SCHIP1: variants seen among roughly 807,000 people sequenced by gnomAD.
SCHIP1 encodes the protein schwannomin-interacting protein 1.
A neutral mutation model predicts 29.7 loss-of-function variants in SCHIP1; 8 were observed. That is an observed-to-expected ratio of 0.27 (90% CI 0.16 to 0.49). The LOEUF (loss-of-function observed/expected upper bound fraction) is 0.49. Among genes scored for constraint, SCHIP1 ranks in the 20% least tolerant of loss-of-function variants. The pLI is 0.99. For missense variants in SCHIP1, 193 were observed against 294.6 expected (o/e 0.66, Z 2.52); for synonymous variants, 76 against 94.9 (o/e 0.80, Z 1.16).
the SCHIP1 span, among the ~76,000 whole-genome samples, chr3:159,479,102 G>A: frequency 2.0e-5 from 3 of 152,108 alleles, no homozygotes; most frequent in African/African-American, 7.2e-5. Context: ...AAAAAGGCAT[G>A]AGGAAATTCA....
At chr3:159,465,315 TTGTGTGTGTGTGTGTG>T in the SCHIP1 span, among the ~76,000 whole-genome samples, 1 of 148,276 alleles carries the variant, frequency 6.7e-6, no homozygotes, top group Admixed American at 6.8e-5. Context: ...ATGTGTATGA[TTGTGTGTGTGTGTGTG>T]TGTGTGTGTT....
chr3:159,660,633 T>G, the SCHIP1 span, among the ~76,000 whole-genome samples: 1 of 152,196 alleles, frequency 6.6e-6, no homozygotes, highest in Non-Finnish European at 1.5e-5. Context: ...TTTAAAAAAC[T>G]ACGATGAGTG....
the SCHIP1 span, among the ~76,000 whole-genome samples, chr3:159,607,855 C>T: frequency 6.6e-6 from 1 of 152,128 alleles, no homozygotes; most frequent in African/African-American, 2.4e-5. Context: ...GTTTGACATA[C>T]ATATAAATGT....
chr3:159,654,552 G>A, the SCHIP1 span, among the ~76,000 whole-genome samples: 1 of 152,024 alleles, frequency 6.6e-6, no homozygotes. Context: ...TACTCCCTGA[G>A]TGTGTTGGCC....
intron 2 of SCHIP1, among the ~76,000 whole-genome samples, chr3:159,878,199 C>T (rs1412449541): frequency 2.0e-5 from 3 of 152,332 alleles, no homozygotes; most frequent in South Asian, 4.1e-4. Context: ...TTGCCAAGGC[C>T]GGGCGCAGTG....
At chr3:159,414,576 A>G in the SCHIP1 span, among the ~76,000 whole-genome samples, 1 of 152,136 alleles carries the variant, frequency 6.6e-6, no homozygotes, top group Non-Finnish European at 1.5e-5. Flanking sequence ...GTATTGCTAT[A>G]TTATCAACAA....
rs1191451252 is a variant in SCHIP1 at position 159,861,702 on chromosome 3, T to C, written c.31-4461T>C. Among the ~76,000 whole-genome samples, 1 of 152,166 alleles carries C rather than the reference T, an allele frequency of 6.6e-6. No homozygotes were observed. The highest frequency in any genetic ancestry group is 1.5e-5 in the Non-Finnish European group (1 of 68,028). On this transcript the variant is annotated intron_variant, in intron 1 of 6. Transcript: ENST00000445224. This position sits in a 1 kb window ranked among gnomAD's most constrained non-coding sequence, Gnocchi z 4.1. ...GATAGTGATGAGCCCTGTTCCTCAG[T>C]TGCCCTTTGTTTTTGCTAGCAATAC...
At chr3:159,406,644 C>G in the SCHIP1 span, among the ~76,000 whole-genome samples, 1 of 152,078 alleles carries the variant, frequency 6.6e-6, no homozygotes, top group Non-Finnish European at 1.5e-5. Context: ...AATACAAAGA[C>G]TAAAGGATGA....
chr3:159,403,197 T>TG, the SCHIP1 span, among the ~76,000 whole-genome samples: 1 of 152,002 alleles, frequency 6.6e-6, no homozygotes, highest in African/African-American at 2.4e-5. Context: ...ATGAGGAGGG[T>TG]GGAGTATTAA....
At chr3:159,833,007 G>A in the SCHIP1 span, among the ~76,000 whole-genome samples, 16 of 152,198 alleles carry the variant, frequency 1.1e-4, no homozygotes, top group African/African-American at 3.1e-4. Context: ...AGATATGTAC[G>A]TATGGGAAAA....
At chr3:159,624,698 T>C in the SCHIP1 span, among the ~76,000 whole-genome samples, 2 of 152,080 alleles carry the variant, frequency 1.3e-5, no homozygotes, top group African/African-American at 4.8e-5. Flanking sequence ...CTACAAATAA[T>C]AGCTAAATTT....
the SCHIP1 span, among the ~76,000 whole-genome samples, chr3:159,798,486 A>C: frequency 6.6e-6 from 1 of 151,540 alleles, no homozygotes; most frequent in African/African-American, 2.4e-5. Context: ...GGCCAGGCGC[A>C]GTGGTTCACG....
chr3:159,806,950 A>G, the SCHIP1 span, among the ~76,000 whole-genome samples: 1 of 152,242 alleles, frequency 6.6e-6, no homozygotes, highest in Admixed American at 6.5e-5. Flanking sequence ...GTATTGTATC[A>G]GTTTTGCCAG....
the SCHIP1 span, among the ~76,000 whole-genome samples, chr3:159,552,035 T>C: frequency 7.3e-6 from 1 of 136,092 alleles, no homozygotes; most frequent in Non-Finnish European, 1.5e-5. Flanking sequence ...CACATTGCTT[T>C]TTTTTTTTTT....
At chr3:159,526,069 AC>A in the SCHIP1 span, among the ~76,000 whole-genome samples, 1 of 152,234 alleles carries the variant, frequency 6.6e-6, no homozygotes, top group Non-Finnish European at 1.5e-5. Flanking sequence ...AACTTCACTT[AC>A]ATTAGTATGT....
chr3:159,341,613 T>C, the SCHIP1 span, among the ~76,000 whole-genome samples: 1 of 152,182 alleles, frequency 6.6e-6, no homozygotes, highest in Non-Finnish European at 1.5e-5. Context: ...GGAGGAGCCA[T>C]AGGTCTTTCC....
chr3:159,680,730 A>ATACATATATAATATATGTATATATATTAT, the SCHIP1 span, among the ~76,000 whole-genome samples: 1 of 74,018 alleles, frequency 1.4e-5, no homozygotes, highest in African/African-American at 7.1e-5. Flanking sequence ...GTATATATAT[A>ATACATATATAATATATGTATATATATTAT]ATATACATAT....
At chr3:159,750,501 T>G in the SCHIP1 span, among the ~76,000 whole-genome samples, 1 of 151,870 alleles carries the variant, frequency 6.6e-6, no homozygotes, top group South Asian at 2.1e-4. Context: ...GATGCTTTAT[T>G]GAGCGATAAA....
intron 1 of SCHIP1, among the ~76,000 whole-genome samples, chr3:159,850,823 A>G (rs979370295): frequency 2.3e-4 from 35 of 152,162 alleles, no homozygotes; most frequent in African/African-American, 8.4e-4. Context: ...ATGGTGCTAA[A>G]CCATTAGAAA....
Sources: gnomAD v4.1 joint callset for allele counts (sites outside exome capture counted in the v4.1 genomes callset) on GRCh38, gnomAD v4.1.1 for gene constraint, Gnocchi (gnomAD v3.1) non-coding constraint, MANE v1.5 for transcripts, NCBI Gene and HGNC (gene_info 2026-07-23, HGNC 2026-07-21) for gene names.